The following ANXA2 variants were observed in gnomAD, a reference collection of about 807,000 sequenced individuals.
The protein encoded by ANXA2 is annexin A2.
In ANXA2, 28 loss-of-function variants were observed where a neutral mutation model predicts 47.3. The ratio of observed to expected loss-of-function variants is 0.59; its 90% CI spans 0.44 to 0.81. The LOEUF is 0.81. Ranked by LOEUF, ANXA2 falls within the 40% of genes least tolerant of loss-of-function variation. ANXA2 has a pLI of 0.00. For missense variants in ANXA2, 384 were observed against 414.3 expected (o/e 0.93, Z 0.64); for synonymous variants, 172 against 155.5 (o/e 1.11, Z -0.79).
rs149792855 is a variant in ANXA2 at position 60,356,044 on chromosome 15, C to T, written c.449-46G>A. The T allele has an allele frequency of 3.8e-3, 5,483 of 1,433,374 alleles. 16 individuals are homozygous for T. The highest frequency in any genetic ancestry group is 4.2e-3 in the Admixed American group (252 of 59,622). 88.8% of individuals were successfully genotyped at this position (1,433,374 alleles called of 1,614,324 possible). A position where few individuals can be genotyped will look rare whatever the true frequency, so the allele number is the denominator to read the frequency against. The stretch of plus-strand genomic sequence containing the variant: ...GTTTTATGCTTTCTGCCTGTGTAGC[C>T]AACCATCCACCCCAATCTCCCCATT... On this transcript the variant is annotated intron_variant, in intron 6 of 12. Coordinates refer to ENST00000451270, the MANE Select transcript of ANXA2 (RefSeq NM_004039.3).
Position 60,351,197 on chromosome 15 carries a change from A to G in ANXA2, c.833T>C (p.Met278Thr). The change falls in exon 11 of 13, where the codon ATG (methionine) becomes ACG (threonine). Residue 278 changes from methionine to threonine, a missense_variant. By Grantham distance (81) the Met-to-Thr change is moderately conservative. Coordinates refer to ENST00000451270, the MANE Select transcript of ANXA2 (RefSeq NM_004039.3). ...CTCTCAGCCAGCTGCCCTTACCTTC[A>G]TGGAGTCATACAGCCGATCAGCAAA... ...LYFADRLYDSMKGKGTRDKVL... is the reference protein window; with the variant it reads ...LYFADRLYDSTKGKGTRDKVL... 1.9e-6 allele frequency: 3 copies of G among 1,614,148 alleles called. No individual in the cohort carries two copies. Among genetic ancestry groups the G allele is most frequent in the East Asian group, 4.5e-5 (2 of 44,882 alleles).
chr15:60,353,804 C>T (rs76759881), intron 8 of ANXA2, among the ~76,000 whole-genome samples: 1,975 of 152,256 alleles, frequency 0.013, 27 homozygotes, highest in African/African-American at 0.037. Context: ...GTTGTGAGGA[C>T]GCTCAAACAA....
At chr15:60,375,048 C>T (rs1326391314) in intron 3 of ANXA2, among the ~76,000 whole-genome samples, 2 of 152,222 alleles carry the variant, frequency 1.3e-5, no homozygotes, top group African/African-American at 2.4e-5. Flanking sequence ...TTGTTCTGCT[C>T]AGCCAAATGA....
At position 60,354,885 on chromosome 15, in the gene ANXA2, G is replaced by A. The variant is rs962209716; in HGVS notation, c.529-672C>T. Among the ~76,000 whole-genome samples, 9 of 152,172 alleles carry A rather than the reference G, an allele frequency of 5.9e-5. No individual in the cohort carries two copies. The South Asian group carries it at 1.9e-3, about 31-fold the overall frequency. On this transcript the variant is annotated intron_variant, in intron 7 of 12. Transcript: ENST00000451270. ...TGGAAACAAATGTAAAGCAGCCCGG[G>A]AACCCACAGCACTAGAAAGACACAA...
chr15:60,384,333 G>A (rs1404159474), intron 2 of ANXA2: 2 of 152,096 alleles, frequency 1.3e-5, no homozygotes, highest in South Asian at 2.1e-4. Flanking sequence ...ACAGTGAGGG[G>A]GAAAAGTTTT....
chr15:60,397,155 G>T, intron 1 of ANXA2: 1 of 574,894 alleles, frequency 1.7e-6, no homozygotes, highest in Non-Finnish European at 2.2e-6. Context: ...GAAGGGAGAG[G>T]CCCCGGGGCC....
intron 1 of ANXA2, chr15:60,387,125 A>G (rs1288935570): frequency 6.6e-6 from 1 of 152,230 alleles, no homozygotes. Context: ...ACTTATAGGA[A>G]CATTTTGGAC....
At chr15:60,355,291 G>GA (rs2062410011) in intron 7 of ANXA2, 1 of 157,616 alleles carries the variant, frequency 6.3e-6, no homozygotes, top group African/African-American at 2.4e-5. Context: ...GAGAGCGAGG[G>GA]AGAATGGCAT....
chr15:60,390,235 T>C (rs1404479169), intron 1 of ANXA2: 8 of 1,008,856 alleles, frequency 7.9e-6, no homozygotes, highest in South Asian at 7.5e-5. Flanking sequence ...TCTATGAAAT[T>C]TGACATTATC....
intron 3 of ANXA2, among the ~76,000 whole-genome samples, chr15:60,378,010 C>G (rs1368670321): frequency 4.6e-5 from 7 of 152,074 alleles, no homozygotes; most frequent in African/African-American, 1.7e-4. Flanking sequence ...ATTGCTTGAA[C>G]CCAGGAGGGT....
chr15:60,382,097 GGAGAAA>G (rs956132614), intron 3 of ANXA2, among the ~76,000 whole-genome samples: 41 of 151,104 alleles, frequency 2.7e-4, no homozygotes, highest in Admixed American at 1.7e-3. Context: ...CAGGAAGAAG[GGAGAAA>G]GAGAAAGAGG....
intron 1 of ANXA2, chr15:60,397,199 T>C (rs1307008321): frequency 6.7e-6 from 6 of 896,086 alleles, no homozygotes; most frequent in Middle Eastern, 5.7e-4. Context: ...TCCTGACTCA[T>C]TGTCACATCA....
intron 3 of ANXA2, among the ~76,000 whole-genome samples, chr15:60,375,083 C>T (rs1006812896): frequency 3.3e-5 from 5 of 152,258 alleles, no homozygotes; most frequent in South Asian, 2.1e-4. Context: ...CAGGTGAAAC[C>T]AAAAATATCC....
At chr15:60,364,160 C>T (rs1315205338) in intron 4 of ANXA2, among the ~76,000 whole-genome samples, 1 of 152,180 alleles carries the variant, frequency 6.6e-6, no homozygotes, top group African/African-American at 2.4e-5. Flanking sequence ...AAGCGCGAAC[C>T]CTACTGTGAA....
intron 3 of ANXA2, 134 bp downstream of exon 3, chr15:60,382,208 G>C (rs764674047): frequency 3.1e-6 from 2 of 648,958 alleles, no homozygotes; most frequent in Non-Finnish European, 5.6e-6. Flanking sequence ...GGTTGAGCTA[G>C]GTCTGGATCT....
intron 3 of ANXA2, among the ~76,000 whole-genome samples, chr15:60,364,895 C>T (rs1217417419): frequency 2.0e-5 from 3 of 151,152 alleles, no homozygotes; most frequent in Non-Finnish European, 4.4e-5. Context: ...CCCAAATTGC[C>T]ATTTAACTCG....
Position 60,351,196 on chromosome 15 carries a change from C to T in ANXA2, c.834G>A (p.Met278Ile), listed in dbSNP as rs1895993239. ...LYFADRLYDSMKGKGTRDKVL... is the reference protein window; with the variant it reads ...LYFADRLYDSIKGKGTRDKVL... ...TCTCTCAGCCAGCTGCCCTTACCTTCATGGAGTCATACAGCCGATCAGCAA... is the reference window on the plus strand; with the variant it reads ...TCTCTCAGCCAGCTGCCCTTACCTTTATGGAGTCATACAGCCGATCAGCAA... The change falls in exon 11 of 13, where the codon ATG (methionine) becomes ATA (isoleucine). Residue 278 changes from methionine (M) to isoleucine (I), a missense_variant. Transcript: ENST00000451270. The T allele has an allele frequency of 1.2e-6, 2 of 1,614,070 alleles. No homozygotes were observed. The highest frequency in any genetic ancestry group is 1.7e-5 in the Admixed American group (1 of 60,008).
chr15:60,373,957 CCA>C, intron 3 of ANXA2, among the ~76,000 whole-genome samples: 1 of 152,124 alleles, frequency 6.6e-6, no homozygotes, highest in Non-Finnish European at 1.5e-5. Flanking sequence ...CTGGCAGCTG[CCA>C]AGAGATGGGA....
intron 1 of ANXA2, chr15:60,390,429 C>T: frequency 3.9e-6 from 2 of 517,744 alleles, no homozygotes; most frequent in South Asian, 3.0e-5. Context: ...AAGCACCAAC[C>T]CCACAAAACG....
Sources: gnomAD v4.1 joint callset for allele counts (sites outside exome capture counted in the v4.1 genomes callset) on GRCh38, gnomAD v4.1.1 for gene constraint, MANE v1.5 for transcripts, NCBI Gene and HGNC (gene_info 2026-07-23, HGNC 2026-07-21) for gene names.